The following USP7 variants were observed in gnomAD, a reference collection of about 807,000 sequenced individuals.
USP7 encodes ubiquitin specific peptidase 7.
USP7 carries 9 observed loss-of-function variants against 162.9 expected under a neutral mutation model. The observed-to-expected ratio is 0.06, with a 90% CI of 0.03 to 0.10. The LOEUF is 0.10. Ranked by LOEUF, USP7 falls within the 10% of genes least tolerant of loss-of-function variation. The pLI, the probability that USP7 is intolerant of heterozygous loss-of-function variation, is 1.00. For missense variants in USP7, 715 were observed against 1,373.7 expected (o/e 0.52, Z 7.58); for synonymous variants, 562 against 475.9 (o/e 1.18, Z -2.35).
At chr16:8,912,967 C>T (rs901276105) in intron 10 of USP7, among the ~76,000 whole-genome samples, 2 of 152,090 alleles carry the variant, frequency 1.3e-5, no homozygotes, top group Non-Finnish European at 2.9e-5. Flanking sequence ...AGCACAAAAC[C>T]CAGAGAAAGG....
chr16:8,917,491 G>A (rs1349339646), intron 6 of USP7, among the ~76,000 whole-genome samples: 1 of 152,150 alleles, frequency 6.6e-6, no homozygotes, highest in African/African-American at 2.4e-5. Context: ...CAATTCTCCT[G>A]CCTCAGCCTC....
At chr16:8,962,163 G>C (rs1438951213) in intron 1 of USP7, among the ~76,000 whole-genome samples, 1 of 152,186 alleles carries the variant, frequency 6.6e-6, no homozygotes, top group African/African-American at 2.4e-5. Flanking sequence ...TTCATTCATT[G>C]AGGCAACCCA....
intron 1 of USP7, 144 bp downstream of exon 1, chr16:8,963,063 C>A: frequency 2.1e-6 from 1 of 483,128 alleles, no homozygotes; most frequent in Non-Finnish European, 2.7e-6. Flanking sequence ...GCCTCGCAGG[C>A]CGGGGCCGGG....
At chr16:8,934,921 G>C (rs1487273016) in intron 1 of USP7, among the ~76,000 whole-genome samples, 1 of 152,214 alleles carries the variant, frequency 6.6e-6, no homozygotes, top group African/African-American at 2.4e-5. Flanking sequence ...TCCGCAAGAG[G>C]ATTAAAATTT....
intron 10 of USP7, among the ~76,000 whole-genome samples, chr16:8,913,411 C>T (rs1049907412): frequency 6.6e-6 from 1 of 151,702 alleles, no homozygotes; most frequent in African/African-American, 2.4e-5. Context: ...TGAAGCGAAG[C>T]GAAGAATATG....
At chr16:8,945,725 A>G (rs1899246689) in intron 1 of USP7, among the ~76,000 whole-genome samples, 2 of 152,160 alleles carry the variant, frequency 1.3e-5, no homozygotes, top group African/African-American at 2.4e-5. Context: ...ATATGGAACA[A>G]TAAAAGATTG....
chr16:8,923,011 C>A (rs544971740), intron 3 of USP7, among the ~76,000 whole-genome samples: 1 of 152,196 alleles, frequency 6.6e-6, no homozygotes, highest in Admixed American at 6.5e-5. Flanking sequence ...TAGATTCTAA[C>A]AAACTATTTT....
chr16:8,932,236 G>C (rs1898397301), intron 1 of USP7, among the ~76,000 whole-genome samples: 1 of 152,134 alleles, frequency 6.6e-6, no homozygotes, highest in Admixed American at 6.5e-5. Flanking sequence ...TTTCAGTCTT[G>C]ATAGTCTCTT....
At chr16:8,962,015 C>G (rs1031513878) in intron 1 of USP7, among the ~76,000 whole-genome samples, 1 of 152,190 alleles carries the variant, frequency 6.6e-6, no homozygotes, top group Non-Finnish European at 1.5e-5. Context: ...AGTGACTATC[C>G]AATTACTGGA....
At chr16:8,914,861 C>G (rs971000403) in intron 10 of USP7, among the ~76,000 whole-genome samples, 2 of 152,182 alleles carry the variant, frequency 1.3e-5, no homozygotes, top group Non-Finnish European at 2.9e-5. Flanking sequence ...CGAGGCTGCA[C>G]TGAGCTATGG....
At chr16:8,916,156 G>T (rs769013107) in intron 8 of USP7, among the ~76,000 whole-genome samples, 1 of 152,204 alleles carries the variant, frequency 6.6e-6, no homozygotes, top group Non-Finnish European at 1.5e-5. Flanking sequence ...AGTAACAACA[G>T]AAGTCACCAC....
intron 26 of USP7, 141 bp from the exon 27 acceptor site, chr16:8,895,882 G>A: frequency 1.7e-6 from 1 of 583,748 alleles, no homozygotes; most frequent in Non-Finnish European, 2.9e-6. Context: ...TGTCGCCCAG[G>A]CTGGAGTGCA....
chr16:8,894,753 G>A (rs754248329), intron 29 of USP7, 31 bp downstream of exon 29: 67 of 1,613,920 alleles, frequency 4.2e-5, no homozygotes, highest in East Asian at 2.7e-4. Flanking sequence ...CCTATGGCCC[G>A]CCAAGCCCCC....
Position 8,903,394 on chromosome 16 carries a change from T to C in USP7, c.1713A>G (p.Ala571=). 2 of 1,613,794 alleles carry C rather than the reference T, an allele frequency of 1.2e-6. No individual in the cohort carries two copies. Among genetic ancestry groups the C allele is most frequent in the Non-Finnish European group, 1.7e-6 (2 of 1,179,756 alleles). ...AHLYMQVQIV[A]EDQFCGHQGN... is the part of the protein sequence containing the mutation. ...CTTGGTGGCCACAAAACTGGTCCTC[T>C]GCGACTATCTGAAAATATGTATGAA... Residue 571 remains alanine (A), a synonymous_variant, in exon 16 of 31, where the codon GCA becomes GCG. Transcript: ENST00000344836.
chr16:8,915,627 A>G, intron 8 of USP7, 102 bp from the exon 9 acceptor site: 1 of 1,058,556 alleles, frequency 9.4e-7, no homozygotes, highest in Non-Finnish European at 1.4e-6. Flanking sequence ...AAGAAGTTGT[A>G]GACTATAAAA....
chr16:8,901,105 A>G (rs2061767222), intron 19 of USP7, 37 bp downstream of exon 19: 1 of 1,613,410 alleles, frequency 6.2e-7, no homozygotes, highest in Admixed American at 1.7e-5. Context: ...TGTACTGAGC[A>G]AAATCTACTC....
At chr16:8,898,236 C>T in intron 25 of USP7, 124 bp downstream of exon 25, 1 of 840,856 alleles carries the variant, frequency 1.2e-6, no homozygotes. Context: ...TCCCCCAGCC[C>T]CCATCATGTG....
At chr16:8,924,409 A>G (rs1328128009) in intron 2 of USP7, among the ~76,000 whole-genome samples, 4 of 152,362 alleles carry the variant, frequency 2.6e-5, no homozygotes, top group South Asian at 2.1e-4. Flanking sequence ...TAGTCTGCAC[A>G]CAGCTCACTG....
At chr16:8,952,821 G>A (rs1567247699) in intron 1 of USP7, among the ~76,000 whole-genome samples, 1 of 150,724 alleles carries the variant, frequency 6.6e-6, no homozygotes, top group Non-Finnish European at 1.5e-5. Flanking sequence ...CACCCCTCCC[G>A]CCTGTGACCA....
Sources: allele counts gnomAD v4.1 joint callset (sites outside exome capture counted in the v4.1 genomes callset), GRCh38; gene constraint gnomAD v4.1.1; transcripts MANE v1.5; gene names NCBI Gene and HGNC (gene_info 2026-07-23, HGNC 2026-07-21).